Variants in SNTG1 observed in about 807,000 individuals in gnomAD.
SNTG1 encodes the protein syntrophin gamma 1.
SNTG1 carries 39 observed loss-of-function variants against 74.7 expected under a neutral mutation model. The observed-to-expected ratio is 0.52, with a 90% CI of 0.40 to 0.68. The LOEUF is 0.68. Among genes scored for constraint, SNTG1 ranks in the 30% least tolerant of loss-of-function variants. SNTG1 has a pLI of 0.00. For synonymous variants in SNTG1, 254 were observed against 217.1 expected (o/e 1.17, Z -1.49); for missense variants, 685 against 609.5 (o/e 1.12, Z -1.30).
At chr8:50,528,998 G>T (rs1404964404) in intron 9 of SNTG1, among the ~76,000 whole-genome samples, 2 of 151,276 alleles carry the variant, frequency 1.3e-5, no homozygotes, top group South Asian at 4.2e-4. Context: ...AGATCATTAA[G>T]TTTATACCTA....
chr8:50,720,770 T>C (rs1177594291), intron 17 of SNTG1, among the ~76,000 whole-genome samples: 1 of 152,206 alleles, frequency 6.6e-6, no homozygotes, highest in Non-Finnish European at 1.5e-5. Flanking sequence ...AGAGTATAAA[T>C]AGATACTGCC....
At chr8:50,401,071 T>C (rs76651489) in intron 3 of SNTG1, among the ~76,000 whole-genome samples, 2,807 of 152,212 alleles carry the variant, frequency 0.018, 89 homozygotes, top group African/African-American at 0.063. Flanking sequence ...CCATGAATAC[T>C]TACTATGTGC....
intron 8 of SNTG1, among the ~76,000 whole-genome samples, chr8:50,463,296 A>G (rs1291549434): frequency 2.6e-5 from 4 of 152,094 alleles, no homozygotes; most frequent in African/African-American, 7.2e-5. Flanking sequence ...AATGGCATCT[A>G]GAGTGGTGAA....
At chr8:50,610,944 T>C (rs2094845393) in intron 13 of SNTG1, among the ~76,000 whole-genome samples, 1 of 151,558 alleles carries the variant, frequency 6.6e-6, no homozygotes, top group South Asian at 2.1e-4. Context: ...TTTCGTATCA[T>C]TCACTTCATG....
At chr8:50,069,542 A>G (rs531723490) in intron 1 of SNTG1, among the ~76,000 whole-genome samples, 10 of 144,496 alleles carry the variant, frequency 6.9e-5, no homozygotes, top group Non-Finnish European at 1.2e-4. Context: ...TTGCATTACT[A>G]AGATATAAAT....
At chr8:50,524,889 T>C (rs1451179123) in intron 9 of SNTG1, among the ~76,000 whole-genome samples, 1 of 152,188 alleles carries the variant, frequency 6.6e-6, no homozygotes, top group Non-Finnish European at 1.5e-5. Context: ...AGTTTTATCA[T>C]TTAAATTCTG....
chr8:50,587,710 GGCTACGC>G (rs2094660519), intron 12 of SNTG1, among the ~76,000 whole-genome samples: 1 of 151,486 alleles, frequency 6.6e-6, no homozygotes, highest in Non-Finnish European at 1.5e-5. Context: ...CTGTAGTCCT[GGCTACGC>G]GCGAGGGTGA....
intron 8 of SNTG1, among the ~76,000 whole-genome samples, chr8:50,452,582 T>G (rs1442315214): frequency 2.0e-5 from 3 of 152,320 alleles, no homozygotes; most frequent in Admixed American, 2.0e-4. Flanking sequence ...AACAGATTAG[T>G]GCAGCATGAA....
intron 8 of SNTG1, among the ~76,000 whole-genome samples, chr8:50,502,293 G>C (rs1171434434): frequency 6.6e-6 from 1 of 152,080 alleles, no homozygotes; most frequent in Non-Finnish European, 1.5e-5. Context: ...TAGTACTCTG[G>C]TCAATATTGG....
chr8:50,078,798 T>G (rs531518187), intron 1 of SNTG1, among the ~76,000 whole-genome samples: 11 of 152,172 alleles, frequency 7.2e-5, no homozygotes, highest in African/African-American at 2.2e-4. Context: ...CACTTGGGAG[T>G]GAGAAAATGC....
chr8:50,314,832 G>A (rs905304635), intron 2 of SNTG1, among the ~76,000 whole-genome samples: 1 of 149,506 alleles, frequency 6.7e-6, no homozygotes, highest in South Asian at 2.2e-4. Context: ...TCTGCATTTG[G>A]CTTATGCCTC....
At chr8:50,417,397 C>T (rs1236277725) in intron 4 of SNTG1, among the ~76,000 whole-genome samples, 1 of 152,162 alleles carries the variant, frequency 6.6e-6, no homozygotes, top group Non-Finnish European at 1.5e-5. Flanking sequence ...GATCCTCACA[C>T]TTTACTTTCT....
chr8:50,761,387 A>G lies in SNTG1; in HGVS notation c.1395+9276A>G, dbSNP rs922689829. ...GTTCTACAGCTTGTGAGTAGGACTC[A>G]GTCTTTTAGCTGGCCTGTGCCTCTG... On this transcript the variant is annotated intron_variant, in intron 18 of 18. Coordinates refer to ENST00000642720, the MANE Select transcript of SNTG1 (RefSeq NM_018967.5). Among the ~76,000 whole-genome samples the G allele has an allele frequency of 6.6e-5, 10 of 152,050 alleles. No homozygotes were observed. The East Asian group carries it at 1.4e-3, about 21-fold the overall frequency.
At chr8:50,543,256 A>G (rs2094361403) in intron 11 of SNTG1, among the ~76,000 whole-genome samples, 1 of 152,128 alleles carries the variant, frequency 6.6e-6, no homozygotes, top group Non-Finnish European at 1.5e-5. Flanking sequence ...ATTTTTGTGT[A>G]TGGTGAGGGA....
intron 13 of SNTG1, among the ~76,000 whole-genome samples, chr8:50,632,212 C>G (rs546611947): frequency 1.3e-5 from 2 of 151,882 alleles, no homozygotes; most frequent in East Asian, 3.9e-4. Flanking sequence ...TGGGTAAAAG[C>G]TTAGGAATTG....
chr8:50,399,858 C>G (rs995106955), intron 3 of SNTG1, among the ~76,000 whole-genome samples: 1 of 152,174 alleles, frequency 6.6e-6, no homozygotes, highest in Non-Finnish European at 1.5e-5. Flanking sequence ...TTAAAGTATT[C>G]TCTAGATTAG....
chr8:50,081,393 T>C (rs1175720266), intron 1 of SNTG1, among the ~76,000 whole-genome samples: 2 of 151,434 alleles, frequency 1.3e-5, no homozygotes, highest in Non-Finnish European at 3.0e-5. Context: ...GTAGATGTGT[T>C]ATCTCTTTGT....
chr8:49,913,282 A>G lies in SNTG1; in HGVS notation c.-103+1051A>G, dbSNP rs570317730. Among the ~76,000 whole-genome samples, 9 of 152,338 alleles carry G rather than the reference A, an allele frequency of 5.9e-5. No individual in the cohort carries two copies. The East Asian group carries it at 1.7e-3, about 29-fold the overall frequency. ...TATTCATAATCAACTCTGTGAAAAG[A>G]GTCTACCCCTTTGAAAAATTACAGG... On this transcript the variant is annotated intron_variant, in intron 1 of 18. Coordinates refer to ENST00000642720, the MANE Select transcript of SNTG1 (RefSeq NM_018967.5).
intron 17 of SNTG1, among the ~76,000 whole-genome samples, chr8:50,751,658 A>G (rs1210490610): frequency 6.6e-6 from 1 of 152,052 alleles, no homozygotes; most frequent in African/African-American, 2.4e-5. Context: ...ATGAAGTTCC[A>G]GAATGATCAA....
Sources: allele counts gnomAD v4.1 joint callset (sites outside exome capture counted in the v4.1 genomes callset), GRCh38; gene constraint gnomAD v4.1.1; transcripts MANE v1.5; gene names NCBI Gene and HGNC (gene_info 2026-07-23, HGNC 2026-07-21).